Variants in ARMC2 observed in about 807,000 individuals in gnomAD.
ARMC2 encodes the protein armadillo repeat containing 2.
Under a neutral mutation model 90.3 loss-of-function variants are expected in ARMC2, and 67 were observed. The observed-to-expected ratio is 0.74, with a 90% confidence interval of 0.61 to 0.91. The LOEUF (loss-of-function observed/expected upper bound fraction) is 0.91, where lower values mean the gene tolerates loss of function less well. Ranked by LOEUF, ARMC2 falls within the 40% of genes least tolerant of loss-of-function variation. ARMC2 has a pLI of 0.00. For missense variants in ARMC2, 920 were observed against 1,030.9 expected, an observed-to-expected ratio of 0.89 and a Z score of 1.47; for synonymous variants, 393 against 393.0, an observed-to-expected ratio of 1.00 and a Z score of 0.00.
At chr6:109,009,647 G>A in the ARMC2 span, 9 of 778,220 alleles carry the variant, frequency 1.2e-5, no homozygotes, top group African/African-American at 1.7e-4. Flanking sequence ...GCCAATGCGG[G>A]CTCGCGTCCC....
At chr6:108,969,668 G>A (rs560017906) in intron 17 of ARMC2, among the ~76,000 whole-genome samples, 1 of 152,314 alleles carries the variant, frequency 6.6e-6, no homozygotes, top group South Asian at 2.1e-4. Flanking sequence ...TCATATATAA[G>A]TAGGTATATG....
At chr6:108,952,819 A>G (rs985716525) in intron 12 of ARMC2, among the ~76,000 whole-genome samples, 1 of 152,234 alleles carries the variant, frequency 6.6e-6, no homozygotes, top group African/African-American at 2.4e-5. Flanking sequence ...GATCACATCA[A>G]TCAGTTTGTA....
At chr6:109,044,311 CAAAAAAAAAAAAAAAAAAAA>C in the ARMC2 span, among the ~76,000 whole-genome samples, 251 of 28,454 alleles carry the variant, frequency 8.8e-3, 3 homozygotes, top group African/African-American at 0.048. Context: ...GAACTTGCCT[CAAAAAAAAAAAAAAAAAAAA>C]AAAAAAAAAA....
intron 17 of ARMC2, among the ~76,000 whole-genome samples, chr6:108,966,636 T>A (rs911112165): frequency 6.6e-6 from 1 of 152,202 alleles, no homozygotes; most frequent in Non-Finnish European, 1.5e-5. Flanking sequence ...GAGCATTTTT[T>A]TTTAATCATT....
At chr6:109,041,581 A>C in the ARMC2 span, among the ~76,000 whole-genome samples, 2 of 152,212 alleles carry the variant, frequency 1.3e-5, no homozygotes, top group Non-Finnish European at 2.9e-5. Flanking sequence ...ACTTCAGAGC[A>C]AAGAAAATTA....
the ARMC2 span, among the ~76,000 whole-genome samples, chr6:108,999,435 C>T: frequency 6.6e-6 from 1 of 152,090 alleles, no homozygotes; most frequent in Non-Finnish European, 1.5e-5. Flanking sequence ...CCAAAAGATG[C>T]ATCTCTAAGA....
chr6:108,958,410 T>C (rs1181115942), intron 13 of ARMC2, among the ~76,000 whole-genome samples: 1 of 152,234 alleles, frequency 6.6e-6, no homozygotes, highest in African/African-American at 2.4e-5. Context: ...GTTACATGCA[T>C]GGTAAAGTGC....
At chr6:108,935,639 C>T (rs1207282851) in intron 11 of ARMC2, among the ~76,000 whole-genome samples, 6 of 152,010 alleles carry the variant, frequency 3.9e-5, no homozygotes, top group African/African-American at 9.7e-5. Flanking sequence ...GACGGGGTTT[C>T]GCCATGTTAG....
At chr6:109,007,309 T>C in the ARMC2 span, among the ~76,000 whole-genome samples, 11,726 of 152,312 alleles carry the variant, frequency 0.077, 633 homozygotes, top group East Asian at 0.2. Context: ...ATTTGTGAGA[T>C]ACATTTATGC....
the ARMC2 span, among the ~76,000 whole-genome samples, chr6:109,037,813 T>C: frequency 3.3e-5 from 5 of 152,148 alleles, no homozygotes; most frequent in Non-Finnish European, 7.4e-5. Flanking sequence ...TAGAAACTTG[T>C]CACCCAGATT....
the ARMC2 span, among the ~76,000 whole-genome samples, chr6:108,991,340 C>G: frequency 6.6e-6 from 1 of 152,144 alleles, no homozygotes; most frequent in Admixed American, 6.5e-5. Flanking sequence ...CTGCTGGGCT[C>G]AAGCGATCCT....
the ARMC2 span, among the ~76,000 whole-genome samples, chr6:109,052,290 G>C: frequency 6.6e-6 from 1 of 151,970 alleles, no homozygotes; most frequent in Non-Finnish European, 1.5e-5. Context: ...AGAAATATTT[G>C]AGAAAATTTT....
intron 5 of ARMC2, among the ~76,000 whole-genome samples, chr6:108,886,686 C>T (rs1778141011): frequency 6.6e-6 from 1 of 152,098 alleles, no homozygotes; most frequent in African/African-American, 2.4e-5. Context: ...ATGGTTTATA[C>T]ACTTTTTTAA....
At position 108,909,453 on chromosome 6, in the gene ARMC2, T is replaced by TA. The variant is rs1051862325; in HGVS notation, c.1024-1435dup. On this transcript the variant is annotated intron_variant, in intron 8 of 17. Coordinates refer to ENST00000392644, the MANE Select transcript of ARMC2 (RefSeq NM_032131.6). ...GTCAGTAATCCTATACTTTGCTTTT[T>TA]AAAAAAAAAAACACTATATTTCCTT... is the stretch of plus-strand genomic sequence containing the variant. 7.0e-3 allele frequency among the ~76,000 whole-genome samples: 1,038 copies of TA among 147,930 alleles called. 7 individuals are homozygous for TA. The highest frequency in any genetic ancestry group is 8.6e-3 in the Non-Finnish European group (570 of 66,658).
chr6:109,052,510 TA>T, the ARMC2 span, among the ~76,000 whole-genome samples: 2 of 152,216 alleles, frequency 1.3e-5, no homozygotes, highest in African/African-American at 4.8e-5. Context: ...AAACATTACT[TA>T]AAATAGTTTA....
chr6:108,900,321 C>G (rs892843198), intron 7 of ARMC2, among the ~76,000 whole-genome samples: 1 of 152,216 alleles, frequency 6.6e-6, no homozygotes, highest in Non-Finnish European at 1.5e-5. Flanking sequence ...CTGAACTGCC[C>G]CAGAAGTGAA....
At position 108,973,471 on chromosome 6, in the gene ARMC2, G is replaced by C. The variant is rs1778897594; in HGVS notation, c.2561G>C (p.Arg854Thr). ...CAGCAGCTTCTAAACCGAATTCAGA[G>C]ACATCACACCTTCCTGGAACCCCTG... is the stretch of plus-strand genomic sequence containing the variant. ...VAQQLLNRIQRHHTFLEPLPI... is the reference protein window; with the variant it reads ...VAQQLLNRIQTHHTFLEPLPI... The change falls in exon 18 of 18, where the codon AGA (arginine) becomes ACA (threonine). Residue 854 changes from arginine to threonine, a missense_variant. By Grantham distance (71) the Arg-to-Thr change is moderately conservative (BLOSUM62 -1). Coordinates refer to ENST00000392644, the MANE Select transcript of ARMC2 (RefSeq NM_032131.6). 1 of 1,613,638 alleles carries C rather than the reference G, an allele frequency of 6.2e-7. No homozygotes were observed. The highest frequency in any genetic ancestry group is 8.5e-7 in the Non-Finnish European group (1 of 1,179,760).
chr6:108,911,952 T>A (rs1773480234), intron 9 of ARMC2, among the ~76,000 whole-genome samples: 1 of 152,160 alleles, frequency 6.6e-6, no homozygotes, highest in Non-Finnish European at 1.5e-5. Context: ...AGAATACAGT[T>A]ACAAATATAT....
Position 108,854,300 on chromosome 6 carries a change from A to C in ARMC2, c.33A>C (p.Lys11Asn). 6.2e-7 allele frequency: 1 copy of C among 1,611,422 alleles called. No homozygotes were observed. The highest frequency in any genetic ancestry group is 1.7e-5 in the Admixed American group (1 of 59,624). Residue 11 changes from lysine (K) to asparagine (N), a missense_variant, in exon 2 of 18, where the codon AAA becomes AAC. By Grantham distance (94) the Lys-to-Asn change is moderately conservative. Transcript: ENST00000392644. MLSPNDKMLG[K>N]LDPFYQPSVS... ...CTCCAAATGATAAAATGTTAGGAAA[A>C]CTGGATCCATTTTATCAACCTTCAG...
Sources: allele counts gnomAD v4.1 joint callset (sites outside exome capture counted in the v4.1 genomes callset), GRCh38; gene constraint gnomAD v4.1.1; transcripts MANE v1.5; gene names NCBI Gene and HGNC (gene_info 2026-07-23, HGNC 2026-07-21).